Variants in NAV2 observed in about 807,000 individuals in gnomAD.
NAV2 encodes neuron navigator 2.
NAV2 carries 54 observed loss-of-function variants against 223.2 expected under a neutral mutation model. The observed-to-expected ratio is 0.24, with a 90% CI of 0.19 to 0.30. The LOEUF is 0.30. NAV2 is among the 10% of genes least tolerant of loss of function. The probability of loss-of-function intolerance (pLI) is 1.00; values close to 1 mark genes in which losing one functional copy is unlikely to be tolerated. For missense variants in NAV2, 2,806 were observed against 3,147.5 expected (o/e 0.89, Z 2.60); for synonymous variants, 1,279 against 1,239.3 (o/e 1.03, Z -0.67).
In NAV2 at chr11:20,095,784, A is replaced by G. The variant is rs774240325; in HGVS notation, c.6012+17A>G. ...CTGTTCAAAGTAAGTGTTTCAAGAC[A>G]ACGGCTACAGCATACTACCTAACAT... On this transcript the variant is annotated intron_variant, in intron 30 of 37. Coordinates refer to ENST00000349880, the MANE Select transcript of NAV2 (RefSeq NM_145117.5). 36 of 1,591,282 alleles carry G rather than the reference A, an allele frequency of 2.3e-5. No homozygotes were observed. The highest frequency in any genetic ancestry group is 3.0e-5 in the Non-Finnish European group (35 of 1,159,276).
intron 1 of NAV2, among the ~76,000 whole-genome samples, chr11:19,625,465 T>C (rs779373216): frequency 3.3e-5 from 5 of 152,250 alleles, no homozygotes; most frequent in Non-Finnish European, 7.3e-5. Context: ...CCTGTTGAAC[T>C]AGGTTGATTC....
At chr11:19,960,416 A>G (rs2048253462) in intron 10 of NAV2, among the ~76,000 whole-genome samples, 1 of 152,084 alleles carries the variant, frequency 6.6e-6, no homozygotes, top group Non-Finnish European at 1.5e-5. Context: ...AAGACCCTAG[A>G]GGGTAATTGT....
chr11:19,403,935 C>CT (rs139777753), intron 1 of NAV2, among the ~76,000 whole-genome samples: 124,143 of 151,596 alleles, frequency 0.82, 51,592 homozygotes, highest in Non-Finnish European at 0.9. Context: ...GTACGTGGCT[C>CT]TTACGGGGAC....
chr11:19,774,581 CTG>C lies in NAV2; in HGVS notation c.268-57894_268-57893del, dbSNP rs559921942. ...TGTATTTGTCCATTTTCTTACTAGA[CTG>C]TGTGTGTGCATGGTAGGGACACACA... On this transcript the variant is annotated intron_variant, in intron 1 of 37. Transcript: ENST00000349880. 2.6e-3 allele frequency among the ~76,000 whole-genome samples: 397 copies of C among 152,304 alleles called. 1 individual carries two copies. Among genetic ancestry groups the C allele is most frequent in the African/African-American group, 9.2e-3 (384 of 41,560 alleles).
chr11:19,397,668 G>A (rs550965344), intron 1 of NAV2, among the ~76,000 whole-genome samples: 29 of 152,192 alleles, frequency 1.9e-4, no homozygotes, highest in Middle Eastern at 3.4e-3. Context: ...ATTGCACCTT[G>A]AATAAAAATG....
rs541684472 is a variant in NAV2 at position 19,974,575 on chromosome 11, A to G, written c.2646-9550A>G. The stretch of plus-strand genomic sequence containing the variant: ...TGATGTGGGAAGATGGCTTGAGCCT[A>G]GTTCAAGACTATCCTGAGCAATGTG... On this transcript the variant is annotated intron_variant, in intron 10 of 37. Coordinates refer to ENST00000349880, the MANE Select transcript of NAV2 (RefSeq NM_145117.5). Among the ~76,000 whole-genome samples the G allele has an allele frequency of 2.0e-5, 3 of 152,354 alleles. No individual in the cohort carries two copies. The South Asian group carries it at 6.2e-4, about 32-fold the overall frequency.
intron 1 of NAV2, among the ~76,000 whole-genome samples, chr11:19,449,653 G>C (rs1486434498): frequency 1.3e-5 from 2 of 152,006 alleles, no homozygotes; most frequent in African/African-American, 4.8e-5. Flanking sequence ...GGGGTGGGGT[G>C]CTTTTGTGAC....
chr11:19,595,337 G>A (rs1183898373), intron 1 of NAV2, among the ~76,000 whole-genome samples: 1 of 152,166 alleles, frequency 6.6e-6, no homozygotes, highest in Non-Finnish European at 1.5e-5. Flanking sequence ...TATCTGTATG[G>A]GGCTTTGAGA....
chr11:19,776,920 T>G (rs1000907249), intron 1 of NAV2, among the ~76,000 whole-genome samples: 4 of 151,528 alleles, frequency 2.6e-5, no homozygotes, highest in East Asian at 2.0e-4. Flanking sequence ...TGCCCAAGGC[T>G]CTCCCTACTA....
chr11:19,528,798 T>C (rs1281703674), intron 1 of NAV2, among the ~76,000 whole-genome samples: 1 of 151,986 alleles, frequency 6.6e-6, no homozygotes, highest in Non-Finnish European at 1.5e-5. Flanking sequence ...GGTGTGATGA[T>C]GCACACTTGT....
intron 1 of NAV2, among the ~76,000 whole-genome samples, chr11:19,413,928 A>G (rs1850253406): frequency 6.6e-6 from 1 of 152,256 alleles, no homozygotes; most frequent in African/African-American, 2.4e-5. Context: ...AGCACTAAAT[A>G]TGGAAAGGAA....
intron 1 of NAV2, among the ~76,000 whole-genome samples, chr11:19,740,839 G>C (rs542543369): frequency 6.6e-6 from 1 of 152,340 alleles, no homozygotes; most frequent in African/African-American, 2.4e-5. Flanking sequence ...TACATTTGCA[G>C]ATGAGGAAGC....
At chr11:19,432,860 G>A (rs1471486631) in intron 1 of NAV2, among the ~76,000 whole-genome samples, 3 of 152,206 alleles carry the variant, frequency 2.0e-5, no homozygotes, top group African/African-American at 7.2e-5. Flanking sequence ...GAGGAGAGCT[G>A]CTGCTGTCCT....
At chr11:19,551,070 T>A (rs904268728) in intron 1 of NAV2, among the ~76,000 whole-genome samples, 1 of 152,278 alleles carries the variant, frequency 6.6e-6, no homozygotes, top group African/African-American at 2.4e-5. Flanking sequence ...GCTGGAGCTG[T>A]GGCACTGCCA....
At chr11:19,661,451 TA>T in intron 1 of NAV2, among the ~76,000 whole-genome samples, 1 of 152,272 alleles carries the variant, frequency 6.6e-6, no homozygotes, top group Middle Eastern at 3.4e-3. Flanking sequence ...ATCGTAACAA[TA>T]AAAGGCCTGG....
intron 1 of NAV2, among the ~76,000 whole-genome samples, chr11:19,382,523 C>T (rs1477157278): frequency 6.6e-6 from 1 of 152,202 alleles, no homozygotes; most frequent in Non-Finnish European, 1.5e-5. Context: ...GCTTTCCACA[C>T]ATGACTTTGC....
At chr11:19,439,134 G>C (rs979907342) in intron 1 of NAV2, among the ~76,000 whole-genome samples, 2 of 152,110 alleles carry the variant, frequency 1.3e-5, no homozygotes, top group East Asian at 3.9e-4. Flanking sequence ...GTTGGAAGGG[G>C]CTTGTATGAA....
intron 10 of NAV2, among the ~76,000 whole-genome samples, chr11:19,957,077 T>C (rs1232037173): frequency 6.6e-6 from 1 of 152,184 alleles, no homozygotes; most frequent in Non-Finnish European, 1.5e-5. Flanking sequence ...CATTTCTCAT[T>C]ATGTCACAGC....
chr11:19,990,934 G>T (rs1191302659), intron 11 of NAV2, among the ~76,000 whole-genome samples: 1 of 152,086 alleles, frequency 6.6e-6, no homozygotes, highest in Non-Finnish European at 1.5e-5. Flanking sequence ...AAGAAAAGAT[G>T]TGAGTTTTGC....
Sources: gnomAD v4.1 joint callset for allele counts (sites outside exome capture counted in the v4.1 genomes callset) on GRCh38, gnomAD v4.1.1 for gene constraint, MANE v1.5 for transcripts, NCBI Gene and HGNC (gene_info 2026-07-23, HGNC 2026-07-21) for gene names.